DDHD1: variants seen among roughly 807,000 people sequenced by gnomAD.
DDHD1 encodes phospholipase DDHD1.
Under a neutral mutation model 96.4 loss-of-function variants are expected in DDHD1, and 49 were observed. The observed-to-expected ratio is 0.51, with a 90% confidence interval of 0.40 to 0.64. The LOEUF (loss-of-function observed/expected upper bound fraction) is 0.64, where lower values mean the gene tolerates loss of function less well. Ranked by LOEUF, DDHD1 falls within the 30% of genes least tolerant of loss-of-function variation. The pLI is 0.00. For missense variants in DDHD1, 1,106 were observed against 1,161.2 expected (o/e 0.95, Z 0.69); for synonymous variants, 442 against 446.5 (o/e 0.99, Z 0.13).
At position 53,107,263 on chromosome 14, in the gene DDHD1, A is replaced by G. The variant is rs1046649354; in HGVS notation, c.839-3407T>C. Among the ~76,000 whole-genome samples the G allele has an allele frequency of 1.6e-4, 25 of 152,384 alleles. No homozygotes were observed. The East Asian group carries it at 4.6e-3, about 28-fold the overall frequency. On this transcript the variant is annotated intron_variant, in intron 1 of 12. Transcript: ENST00000673822. The stretch of plus-strand genomic sequence containing the variant: ...CCAACAATTATAACAATGTGCTAGC[A>G]TCACCACTCTTGCGCTTTGGAGCCA...
At chr14:53,152,180 G>T in intron 1 of DDHD1, 81 bp downstream of exon 1, 2 of 1,384,860 alleles carry the variant, frequency 1.4e-6, no homozygotes, top group South Asian at 2.9e-5. Context: ...TCTTCGCGGC[G>T]ACCAGTCCCA....
At chr14:53,133,523 A>G (rs1398530135) in intron 1 of DDHD1, among the ~76,000 whole-genome samples, 1 of 152,218 alleles carries the variant, frequency 6.6e-6, no homozygotes, top group Admixed American at 6.5e-5. Flanking sequence ...CAGGAAAGGT[A>G]GAAAGAACTA....
At chr14:53,096,819 G>A (rs559084824) in intron 2 of DDHD1, among the ~76,000 whole-genome samples, 51 of 151,932 alleles carry the variant, frequency 3.4e-4, no homozygotes, top group African/African-American at 1.2e-3. Flanking sequence ...AAATCAAACT[G>A]GAAGCTCTGC....
At position 53,077,080 on chromosome 14, in the gene DDHD1, C is replaced by T. The variant is rs571635755; in HGVS notation, c.1290-3233G>A. ...GTGTCCTATAGAGTTACTCAGAGTC[C>T]GATTTTCATTCACTGCATCCCTATG... is the stretch of plus-strand genomic sequence containing the variant. On this transcript the variant is annotated intron_variant, in intron 4 of 12. Transcript: ENST00000673822. Among the ~76,000 whole-genome samples, 126 of 152,148 alleles carry T rather than the reference C, an allele frequency of 8.3e-4. 1 individual carries two copies. The highest frequency in any genetic ancestry group is 2.9e-3 in the African/African-American group (122 of 41,504).
At position 53,153,194 on chromosome 14, in the gene DDHD1, G is replaced by C. The variant is rs1367743162; in HGVS notation, c.-96C>G. ...AACGCCGCCGCCCTCTCCACCCGAAGTTTCTAATCTTTCAAATCCCGACCC... is the reference window on the plus strand; with the variant it reads ...AACGCCGCCGCCCTCTCCACCCGAACTTTCTAATCTTTCAAATCCCGACCC... On this transcript the variant is annotated 5_prime_UTR_variant, in exon 1 of 13. Transcript: ENST00000673822. The C allele has an allele frequency of 8.9e-7, 1 of 1,125,822 alleles. No individual in the cohort carries two copies. The highest frequency in any genetic ancestry group is 1.7e-5 in the African/African-American group (1 of 60,574). The allele number at this position is 1,125,822 out of a possible 1,614,324, so 69.7% of individuals were successfully genotyped here.
intron 1 of DDHD1, among the ~76,000 whole-genome samples, chr14:53,138,508 A>T (rs1382306039): frequency 6.6e-6 from 1 of 152,226 alleles, no homozygotes; most frequent in African/African-American, 2.4e-5. Flanking sequence ...ATAGTAATGA[A>T]ATGTATGACA....
chr14:53,076,842 T>C (rs554917006), intron 4 of DDHD1, among the ~76,000 whole-genome samples: 3 of 152,210 alleles, frequency 2.0e-5, no homozygotes, highest in Non-Finnish European at 4.4e-5. Flanking sequence ...TAGCGACATT[T>C]AGCAGTACAG....
At chr14:53,047,057 G>T in intron 12 of DDHD1, 108 bp from the exon 13 acceptor site, 3 of 827,248 alleles carry the variant, frequency 3.6e-6, no homozygotes, top group Non-Finnish European at 5.1e-6. Context: ...AAGTGATTCT[G>T]TCACTTTTTT....
chr14:53,108,283 C>G (rs1017886690), intron 1 of DDHD1, among the ~76,000 whole-genome samples: 1 of 152,188 alleles, frequency 6.6e-6, no homozygotes, highest in African/African-American at 2.4e-5. Flanking sequence ...GCTAAGTGCC[C>G]GGGTTCATCC....
chr14:53,117,313 C>T (rs553953661), intron 1 of DDHD1, among the ~76,000 whole-genome samples: 12 of 152,210 alleles, frequency 7.9e-5, no homozygotes, highest in African/African-American at 2.6e-4. Flanking sequence ...GTGCAGCTCA[C>T]GGAGGGCAAG....
chr14:53,049,909 A>G (rs1391373966), intron 12 of DDHD1, among the ~76,000 whole-genome samples: 1 of 152,156 alleles, frequency 6.6e-6, no homozygotes, highest in Admixed American at 6.5e-5. Flanking sequence ...CTCTTCCCCA[A>G]AGTAGAGTAT....
At chr14:53,127,029 G>A (rs1247471866) in intron 1 of DDHD1, among the ~76,000 whole-genome samples, 1 of 152,108 alleles carries the variant, frequency 6.6e-6, no homozygotes, top group Admixed American at 6.6e-5. Flanking sequence ...AAAAAGATTT[G>A]TGTAGTCAAA....
At chr14:53,118,978 T>C (rs939045298) in intron 1 of DDHD1, among the ~76,000 whole-genome samples, 3 of 152,132 alleles carry the variant, frequency 2.0e-5, no homozygotes, top group Admixed American at 6.5e-5. Context: ...GCAGAAACTC[T>C]ACAAGCCAGA....
At chr14:53,106,241 C>G (rs1158105603) in intron 1 of DDHD1, among the ~76,000 whole-genome samples, 2 of 152,152 alleles carry the variant, frequency 1.3e-5, no homozygotes, top group Non-Finnish European at 2.9e-5. Flanking sequence ...TAAATTATCA[C>G]CACATATTTC....
At chr14:53,077,101 C>A (rs752947821) in intron 4 of DDHD1, among the ~76,000 whole-genome samples, 43 of 152,134 alleles carry the variant, frequency 2.8e-4, no homozygotes, top group Non-Finnish European at 5.9e-4. Flanking sequence ...CACTGCATCC[C>A]TATGGTGTTG....
At chr14:53,119,450 T>C (rs1888815926) in intron 1 of DDHD1, among the ~76,000 whole-genome samples, 1 of 152,218 alleles carries the variant, frequency 6.6e-6, no homozygotes, top group South Asian at 2.1e-4. Context: ...CCTAACTCAT[T>C]TTATGAGGCC....
At chr14:53,139,695 A>C (rs1404696757) in intron 1 of DDHD1, among the ~76,000 whole-genome samples, 2 of 152,064 alleles carry the variant, frequency 1.3e-5, no homozygotes, top group African/African-American at 4.8e-5. Context: ...CAAAACAAAA[A>C]CAAAAACAAA....
chr14:53,140,635 C>T (rs1890583664), intron 1 of DDHD1, among the ~76,000 whole-genome samples: 1 of 151,996 alleles, frequency 6.6e-6, no homozygotes, highest in African/African-American at 2.4e-5. Context: ...AATCATTAAA[C>T]AAAATCCAAT....
intron 1 of DDHD1, among the ~76,000 whole-genome samples, chr14:53,110,347 T>C (rs972327242): frequency 6.6e-6 from 1 of 152,216 alleles, no homozygotes; most frequent in African/African-American, 2.4e-5. Flanking sequence ...CACAAGCAAG[T>C]GTATATGTAA....
Sources: gnomAD v4.1 joint callset for allele counts (sites outside exome capture counted in the v4.1 genomes callset) on GRCh38, gnomAD v4.1.1 for gene constraint, MANE v1.5 for transcripts, NCBI Gene and HGNC (gene_info 2026-07-23, HGNC 2026-07-21) for gene names.